USP48: variants seen among roughly 807,000 people sequenced by gnomAD.
USP48 encodes ubiquitin carboxyl-terminal hydrolase 48.
In USP48, 43 loss-of-function variants were observed where a neutral mutation model predicts 150.7. The ratio of observed to expected loss-of-function variants is 0.29; its 90% CI spans 0.22 to 0.37. USP48 has a LOEUF of 0.37. USP48 is among the 10% of genes least tolerant of loss of function. The pLI is 1.00. For missense variants in USP48, 813 were observed against 1,249.6 expected, an observed-to-expected ratio of 0.65 and a Z score of 5.27; for synonymous variants, 396 against 425.9, an observed-to-expected ratio of 0.93 and a Z score of 0.86.
chr1:21,779,210 G>C (rs1455142943), intron 1 of USP48, among the ~76,000 whole-genome samples: 1 of 152,076 alleles, frequency 6.6e-6, no homozygotes, highest in Non-Finnish European at 1.5e-5. Flanking sequence ...AATACAGTCT[G>C]TGTTACAGAG....
At chr1:21,727,207 T>G (rs1214917660) in intron 11 of USP48, among the ~76,000 whole-genome samples, 1 of 152,144 alleles carries the variant, frequency 6.6e-6, no homozygotes, top group Non-Finnish European at 1.5e-5. Flanking sequence ...ACAAAAGACT[T>G]CTCTTGCCAG....
Position 21,680,875 on chromosome 1 carries a change from T to C in USP48, c.3059-41A>G, listed in dbSNP as rs1289618968. 5 of 1,506,108 alleles carry C rather than the reference T, an allele frequency of 3.3e-6. No homozygotes were observed. The South Asian group carries it at 4.9e-5, about 15-fold the overall frequency. 93.3% of individuals were successfully genotyped at this position (1,506,108 alleles called of 1,614,324 possible). The stretch of plus-strand genomic sequence containing the variant: ...AAAGAAGAATTCCAAATTGAAAAGA[T>C]TGTCGTGACAGACAGTAATATCATT... On this transcript the variant is annotated intron_variant, in intron 25 of 26. Transcript: ENST00000308271.
At chr1:21,691,316 C>CA (rs58202473) in intron 23 of USP48, among the ~76,000 whole-genome samples, 4,211 of 83,168 alleles carry the variant, frequency 0.051, 153 homozygotes, top group African/African-American at 0.12. Context: ...CTCCCATCTC[C>CA]AAAAAAAAAA....
At position 21,705,816 on chromosome 1, in the gene USP48, A is replaced by G; in HGVS notation, c.2295T>C (p.Pro765=). 6.2e-7 allele frequency: 1 copy of G among 1,606,302 alleles called. No homozygotes were observed. Residue 765 remains proline (P), a synonymous_variant, in exon 19 of 27, where the codon CCT becomes CCC. Coordinates refer to ENST00000308271, the MANE Select transcript of USP48 (RefSeq NM_032236.8). The part of the protein sequence containing the change: ...KFVRKPTRCS[P]VSSVGNSALL... ...GAGCACTGTTCCCAACTGATGACAC[A>G]GGGCTGCATCTTGTAGGCTTTCTAC... is the stretch of plus-strand genomic sequence containing the variant.
At chr1:21,725,774 T>A (rs964804892) in intron 11 of USP48, among the ~76,000 whole-genome samples, 1 of 150,292 alleles carries the variant, frequency 6.7e-6, no homozygotes, top group African/African-American at 2.4e-5. Flanking sequence ...AAGAGGAGAC[T>A]TTAAGATGCA....
chr1:21,763,551 C>T (rs879830368), intron 1 of USP48, among the ~76,000 whole-genome samples: 1 of 152,198 alleles, frequency 6.6e-6, no homozygotes, highest in East Asian at 1.9e-4. Context: ...CAGTGGCTCA[C>T]GCCTATAATC....
At chr1:21,737,911 T>C (rs908917835) in intron 8 of USP48, among the ~76,000 whole-genome samples, 1 of 152,120 alleles carries the variant, frequency 6.6e-6, no homozygotes, top group Non-Finnish European at 1.5e-5. Context: ...TTTTTTTTTT[T>C]TCCCTGAGAC....
chr1:21,693,267 G>A (rs1406525521), intron 23 of USP48, among the ~76,000 whole-genome samples: 2 of 152,138 alleles, frequency 1.3e-5, no homozygotes, highest in African/African-American at 4.8e-5. Context: ...GGGATCAAAG[G>A]TGGATGAATT....
At chr1:21,758,618 T>C (rs539650701) in intron 1 of USP48, among the ~76,000 whole-genome samples, 1 of 151,748 alleles carries the variant, frequency 6.6e-6, no homozygotes, top group South Asian at 2.1e-4. Context: ...GGCGTGGCGG[T>C]GCGGGCCTGT....
At chr1:21,766,529 A>G (rs2097862700) in intron 1 of USP48, among the ~76,000 whole-genome samples, 1 of 151,872 alleles carries the variant, frequency 6.6e-6, no homozygotes, top group Non-Finnish European at 1.5e-5. Context: ...CTGTCATTTA[A>G]GAGTACACAC....
Position 21,747,008 on chromosome 1 carries a change from C to T in USP48, c.991+59G>A. ...ACTGCTATTCTATATTAATCACAAG[C>T]CGATCACAAGTTAGAGTCTCTGAGC... On this transcript the variant is annotated intron_variant, in intron 8 of 26. Transcript: ENST00000308271. 2.2e-6 allele frequency: 3 copies of T among 1,344,474 alleles called. No homozygotes were observed. In the South Asian group the frequency reaches 4.0e-5, roughly 18 times the overall value. The allele number at this position is 1,344,474 out of a possible 1,614,324, so 83.3% of individuals were successfully genotyped here. A position where few individuals can be genotyped will look rare whatever the true frequency, so the allele number is the denominator to read the frequency against.
chr1:21,777,529 G>A (rs2097902796), intron 1 of USP48, among the ~76,000 whole-genome samples: 1 of 152,084 alleles, frequency 6.6e-6, no homozygotes, highest in Non-Finnish European at 1.5e-5. Context: ...TTAGCTGGGT[G>A]TGGTGGTACA....
At chr1:21,777,496 C>A (rs908792898) in intron 1 of USP48, among the ~76,000 whole-genome samples, 1 of 152,024 alleles carries the variant, frequency 6.6e-6, no homozygotes, top group Non-Finnish European at 1.5e-5. Context: ...AAGACCCCAA[C>A]TCTACAAAAA....
At chr1:21,732,057 C>T (rs144286746) in intron 9 of USP48, among the ~76,000 whole-genome samples, 2 of 152,220 alleles carry the variant, frequency 1.3e-5, no homozygotes, top group East Asian at 1.9e-4. Flanking sequence ...AGCGGCGGAT[C>T]ATTTGAGATC....
intron 3 of USP48, among the ~76,000 whole-genome samples, chr1:21,755,086 T>C (rs752191604): frequency 2.0e-5 from 3 of 152,224 alleles, no homozygotes; most frequent in Non-Finnish European, 4.4e-5. Context: ...CTCATTTCTC[T>C]AATTAATTCT....
chr1:21,707,934 G>A (rs893529268), intron 15 of USP48, among the ~76,000 whole-genome samples: 2 of 152,176 alleles, frequency 1.3e-5, no homozygotes, highest in Non-Finnish European at 2.9e-5. Flanking sequence ...GGAGGCTGAA[G>A]CAGGTGGATC....
chr1:21,719,623 G>A (rs557050988), intron 14 of USP48, among the ~76,000 whole-genome samples: 4 of 152,240 alleles, frequency 2.6e-5, no homozygotes, highest in Non-Finnish European at 4.4e-5. Context: ...AGGCACGGTG[G>A]CTCACGCCTG....
At position 21,724,050 on chromosome 1, in the gene USP48, T is replaced by C. The variant is rs757892824; in HGVS notation, c.1496A>G (p.Asp499Gly). 1.2e-6 allele frequency: 2 copies of C among 1,614,084 alleles called. No individual in the cohort carries two copies. Among genetic ancestry groups the C allele is most frequent in the African/African-American group, 1.3e-5 (1 of 74,922 alleles). The change falls in exon 12 of 27, where the codon GAT becomes GGT. Residue 499 changes from aspartate (D) to glycine (G), a missense_variant. Physicochemically the swap from Asp to Gly is moderately conservative, Grantham distance 94 (BLOSUM62 -1). Transcript: ENST00000308271. ...VSLEWLQKWLDESTPTKPIDN... is the reference protein window; with the variant it reads ...VSLEWLQKWLGESTPTKPIDN... ...AATAGGTTTGGTAGGTGTTGATTCA[T>C]CCAACCACTTTTGCAGCCATTCCAG...
chr1:21,720,895 G>C, intron 14 of USP48, 141 bp downstream of exon 14: 2 of 1,103,724 alleles, frequency 1.8e-6, no homozygotes. Flanking sequence ...AGTGGGGCTG[G>C]CACAACCGCT....
Sources: allele counts gnomAD v4.1 joint callset (sites outside exome capture counted in the v4.1 genomes callset), GRCh38; gene constraint gnomAD v4.1.1; transcripts MANE v1.5; gene names NCBI Gene and HGNC (gene_info 2026-07-23, HGNC 2026-07-21).